PLXNA2: variants seen among roughly 807,000 people sequenced by gnomAD.
PLXNA2 encodes plexin-A2.
In PLXNA2, 91 loss-of-function variants were observed where a neutral mutation model predicts 193.5. The observed-to-expected ratio is 0.47, with a 90% CI of 0.40 to 0.56. The LOEUF is 0.56. Among genes scored for constraint, PLXNA2 ranks in the 20% least tolerant of loss-of-function variants. PLXNA2 has a pLI of 0.00. For missense variants in PLXNA2, 1,995 were observed against 2,503.2 expected, an observed-to-expected ratio of 0.80 and a Z score of 4.33; for synonymous variants, 997 against 1,027.3, an observed-to-expected ratio of 0.97 and a Z score of 0.56.
At chr1:208,063,850 T>C (rs1330689819) in intron 12 of PLXNA2, among the ~76,000 whole-genome samples, 1 of 152,182 alleles carries the variant, frequency 6.6e-6, no homozygotes, top group Non-Finnish European at 1.5e-5. Context: ...AACGCCTCCA[T>C]TACTGATGAC....
At chr1:208,136,629 G>A (rs1668309276) in intron 4 of PLXNA2, among the ~76,000 whole-genome samples, 1 of 152,192 alleles carries the variant, frequency 6.6e-6, no homozygotes. Flanking sequence ...GAGCGGGACT[G>A]TTTAGTCTGC....
At chr1:208,201,999 G>T (rs1452904094) in intron 3 of PLXNA2, among the ~76,000 whole-genome samples, 1 of 144,516 alleles carries the variant, frequency 6.9e-6, no homozygotes, top group African/African-American at 2.6e-5. Context: ...TTCTTTTTGA[G>T]ATGGAGTCTC....
At position 208,082,603 on chromosome 1, in the gene PLXNA2, T is replaced by C; in HGVS notation, c.2299-95A>G. 2 of 851,956 alleles carry C rather than the reference T, an allele frequency of 2.3e-6. No individual in the cohort carries two copies. The highest frequency in any genetic ancestry group is 3.9e-6 in the Non-Finnish European group (2 of 518,130). The allele number at this position is 851,956 out of a possible 1,614,324, so 52.8% of individuals were successfully genotyped here. Reference sequence around the variant, plus strand: ...ACCCTGCATGCTGCTCAGATTATTATGACGCTCTTTCCCTGAATCCCAGTC... The same window carrying C: ...ACCCTGCATGCTGCTCAGATTATTACGACGCTCTTTCCCTGAATCCCAGTC... On this transcript the variant is annotated intron_variant, in intron 10 of 31. Transcript: ENST00000367033. This position sits in a 1 kb window ranked among gnomAD's most constrained non-coding sequence, Gnocchi z 4.2.
At chr1:208,150,391 T>G (rs1668721698) in intron 3 of PLXNA2, among the ~76,000 whole-genome samples, 1 of 152,050 alleles carries the variant, frequency 6.6e-6, no homozygotes, top group Non-Finnish European at 1.5e-5. Flanking sequence ...GGCTAGAGAG[T>G]CCTGGATTTC....
intron 3 of PLXNA2, among the ~76,000 whole-genome samples, chr1:208,152,845 C>T (rs529491036): frequency 6.6e-6 from 1 of 151,782 alleles, no homozygotes; most frequent in East Asian, 1.9e-4. Context: ...GTCTTCACGC[C>T]TTTGCTTGAC....
chr1:208,159,322 T>A (rs748602718), intron 3 of PLXNA2, among the ~76,000 whole-genome samples: 2 of 152,240 alleles, frequency 1.3e-5, no homozygotes, highest in Admixed American at 6.5e-5. Flanking sequence ...TCTTTTTTGA[T>A]CTTCATGATC....
rs530497712 is a variant in PLXNA2 at position 208,187,650 on chromosome 1, T to C, written c.1371+22630A>G. Reference sequence around the variant, plus strand: ...GCGAAGACGTCTGCAAGGTACTCTGTCCTATCTGGACTGTTGTTTCCCTTA... The same window carrying C: ...GCGAAGACGTCTGCAAGGTACTCTGCCCTATCTGGACTGTTGTTTCCCTTA... On this transcript the variant is annotated intron_variant, in intron 3 of 31. Coordinates refer to ENST00000367033, the MANE Select transcript of PLXNA2 (RefSeq NM_025179.4). Among the ~76,000 whole-genome samples the C allele has an allele frequency of 1.1e-4, 17 of 152,348 alleles. No individual in the cohort carries two copies. The South Asian group carries it at 3.3e-3, about 30-fold the overall frequency.
chr1:208,098,098 A>G (rs948287124), intron 6 of PLXNA2, among the ~76,000 whole-genome samples: 1 of 151,834 alleles, frequency 6.6e-6, no homozygotes, highest in Non-Finnish European at 1.5e-5. Context: ...CTTTCCATAC[A>G]TTTGTTTGCT....
At position 208,142,460 on chromosome 1, in the gene PLXNA2, G is replaced by C; in HGVS notation, c.1375C>G (p.Arg459Gly). 6.2e-7 allele frequency: 1 copy of C among 1,603,902 alleles called. No individual in the cohort carries two copies. The highest frequency in any genetic ancestry group is 8.5e-7 in the Non-Finnish European group (1 of 1,176,020). Residue 459 changes from arginine to glycine, a missense_variant, in exon 4 of 32, where the codon CGG (arginine) becomes GGG (glycine). Physicochemically the swap from Arg to Gly is moderately radical, Grantham distance 125. Transcript: ENST00000367033. Reference sequence around the variant, plus strand: ...CCACCATGGGGGGGACCGTCGGCCCGAATCTGTATGAGAAACAAGGGTGTC... The same window carrying C: ...CCACCATGGGGGGGACCGTCGGCCCCAATCTGTATGAGAAACAAGGGTGTC... The part of the protein sequence containing the change: ...GTKSGKLKKI[R>G]ADGPPHGGVQ...
At chr1:208,181,045 C>T (rs978450626) in intron 3 of PLXNA2, among the ~76,000 whole-genome samples, 6 of 152,222 alleles carry the variant, frequency 3.9e-5, no homozygotes, top group African/African-American at 1.2e-4. Flanking sequence ...AGGCTCTGAG[C>T]CTGTGACCTC....
intron 3 of PLXNA2, among the ~76,000 whole-genome samples, chr1:208,164,063 A>AT (rs1669218778): frequency 6.6e-6 from 1 of 152,214 alleles, no homozygotes; most frequent in African/African-American, 2.4e-5. Context: ...ACGCTTCCAT[A>AT]CAGTGTTGCC....
chr1:208,168,724 G>GTTTTTTTTTTTTTTTTTTTTTTT (rs10668701), intron 3 of PLXNA2, among the ~76,000 whole-genome samples: 1 of 73,196 alleles, frequency 1.4e-5, no homozygotes, highest in East Asian at 4.8e-4. Flanking sequence ...AGTATGCGGG[G>GTTTTTTTTTTTTTTTTTTTTTTT]TTTTTTTTTT....
intron 9 of PLXNA2, 84 bp from the exon 10 acceptor site, chr1:208,084,664 A>G: frequency 7.5e-7 from 1 of 1,329,420 alleles, no homozygotes; most frequent in Non-Finnish European, 1.1e-6. Context: ...CTCTTGTATC[A>G]GGTGAGCTGC....
At chr1:208,196,853 G>A (rs1402108263) in intron 3 of PLXNA2, among the ~76,000 whole-genome samples, 2 of 152,204 alleles carry the variant, frequency 1.3e-5, no homozygotes, top group Non-Finnish European at 2.9e-5. Context: ...GCAAGGGCGG[G>A]GGTAGATGTT....
chr1:208,051,512 C>T (rs976911322), intron 15 of PLXNA2, 89 bp from the exon 16 acceptor site: 18 of 995,368 alleles, frequency 1.8e-5, no homozygotes, highest in South Asian at 1.7e-4. Context: ...CCTTGGTCTG[C>T]GGGTAAGGCC....
intron 3 of PLXNA2, among the ~76,000 whole-genome samples, chr1:208,180,921 G>A (rs575673737): frequency 2.6e-5 from 4 of 152,328 alleles, no homozygotes; most frequent in African/African-American, 9.6e-5. Context: ...AAGCTTCTGG[G>A]GTCTCCCCCT....
At chr1:208,058,711 T>G (rs1007586030) in intron 13 of PLXNA2, among the ~76,000 whole-genome samples, 1 of 152,198 alleles carries the variant, frequency 6.6e-6, no homozygotes, top group African/African-American at 2.4e-5. Context: ...ATGGGGATTG[T>G]TCCCCTCCCC....
At chr1:208,031,268 G>T in intron 29 of PLXNA2, 1 of 1,173,644 alleles carries the variant, frequency 8.5e-7, no homozygotes, top group South Asian at 2.2e-5. Flanking sequence ...GGTTCCCCCA[G>T]CTCCCTTCTC....
Position 208,217,284 on chromosome 1 carries a change from G to T in PLXNA2, c.639C>A (p.Leu213=). 1 of 1,614,102 alleles carries T rather than the reference G, an allele frequency of 6.2e-7. No homozygotes were observed. The highest frequency in any genetic ancestry group is 8.5e-7 in the Non-Finnish European group (1 of 1,180,018). Reference sequence around the variant, plus strand: ...CAAAATCGCTGTGTAGCTCATAGTCGAGCATGGCTGAGGACTCAGGGTCTC... The same window carrying T: ...CAAAATCGCTGTGTAGCTCATAGTCTAGCATGGCTGAGGACTCAGGGTCTC... ...LPRDPESSAM[L]DYELHSDFVS... is the part of the protein sequence containing the mutation. Residue 213 remains leucine (L), a synonymous_variant, in exon 2 of 32, where the codon CTC becomes CTA. Transcript: ENST00000367033. This position sits in a 1 kb window ranked among gnomAD's most constrained non-coding sequence, Gnocchi z 4.7.
Sources: allele counts gnomAD v4.1 joint callset (sites outside exome capture counted in the v4.1 genomes callset), GRCh38; gene constraint gnomAD v4.1.1; non-coding constraint Gnocchi (gnomAD v3.1); transcripts MANE v1.5; gene names NCBI Gene and HGNC (gene_info 2026-07-23, HGNC 2026-07-21).